The following KDM4B variants were observed in gnomAD, a reference collection of about 807,000 sequenced individuals.
KDM4B encodes lysine-specific demethylase 4B.
Under a neutral mutation model 125.2 loss-of-function variants are expected in KDM4B, and 32 were observed. That is an observed-to-expected ratio of 0.26 (90% confidence interval 0.19 to 0.34). The LOEUF (loss-of-function observed/expected upper bound fraction) is 0.34, where lower values mean the gene tolerates loss of function less well. Ranked by LOEUF, KDM4B falls within the 10% of genes least tolerant of loss-of-function variation. KDM4B has a pLI of 1.00. For missense variants in KDM4B, 1,190 were observed against 1,577.7 expected (o/e 0.75, Z 4.16); for synonymous variants, 721 against 677.9 (o/e 1.06, Z -0.99).
intron 2 of KDM4B, among the ~76,000 whole-genome samples, chr19:5,031,254 G>A (rs566262304): frequency 5.9e-5 from 9 of 152,338 alleles, no homozygotes; most frequent in African/African-American, 2.2e-4. Context: ...GGGCCCGCTG[G>A]GACAGTGTGG....
intron 9 of KDM4B, 126 bp from the exon 10 acceptor site, chr19:5,110,496 G>T: frequency 1.2e-6 from 1 of 839,932 alleles, no homozygotes; most frequent in South Asian, 1.5e-5. Context: ...TCTAGAAGCG[G>T]AATGCTCAGC....
At position 5,033,573 on chromosome 19, in the gene KDM4B, C is replaced by G. The variant is rs111802497; in HGVS notation, c.141+542C>G. On this transcript the variant is annotated intron_variant, in intron 3 of 22. Coordinates refer to ENST00000159111, the MANE Select transcript of KDM4B (RefSeq NM_015015.3). ...CCTGCCCCGGCAGCAGAGCAAGACCCTGTCTCAAAAACCAAGTCAGACCAC... is the reference window on the plus strand; with the variant it reads ...CCTGCCCCGGCAGCAGAGCAAGACCGTGTCTCAAAAACCAAGTCAGACCAC... Among the ~76,000 whole-genome samples the G allele has an allele frequency of 1.6e-3, 239 of 152,164 alleles. 2 individuals are homozygous for G. The highest frequency in any genetic ancestry group is 5.6e-3 in the African/African-American group (231 of 41,500).
rs959172128 is a variant in KDM4B, at chr19:5,142,510, C to A, written c.2551-1457C>A. Among the ~76,000 whole-genome samples the A allele has an allele frequency of 3.3e-5, 5 of 152,134 alleles. No homozygotes were observed. The highest frequency in any genetic ancestry group is 1.2e-4 in the African/African-American group (5 of 41,438). ...TCATGGGCTGCCTGCTACCACGAGG[C>A]GGAAGGGGATGGTGCTGGGCACCAG... On this transcript the variant is annotated intron_variant, in intron 18 of 22. Coordinates refer to ENST00000159111, the MANE Select transcript of KDM4B (RefSeq NM_015015.3). The surrounding 1 kb of genome is among the most constrained non-coding windows in gnomAD (Gnocchi z 5.4).
chr19:5,053,168 A>T (rs1406654849), intron 6 of KDM4B, among the ~76,000 whole-genome samples: 1 of 152,232 alleles, frequency 6.6e-6, no homozygotes, highest in Non-Finnish European at 1.5e-5. Context: ...CCAGAACAAG[A>T]TGCAGGAGCG....
intron 1 of KDM4B, among the ~76,000 whole-genome samples, chr19:5,012,216 A>G (rs2035751329): frequency 1.3e-5 from 2 of 151,836 alleles, no homozygotes; most frequent in Admixed American, 1.3e-4. Context: ...CCCTCCTGGC[A>G]GTTAATAGAA....
At chr19:5,072,373 C>G (rs2037976582) in intron 7 of KDM4B, among the ~76,000 whole-genome samples, 1 of 152,110 alleles carries the variant, frequency 6.6e-6, no homozygotes, top group Admixed American at 6.6e-5. Context: ...TGGGCCCTCT[C>G]CTGGCATGTG....
intron 1 of KDM4B, among the ~76,000 whole-genome samples, chr19:4,991,205 C>T (rs186246561): frequency 9.9e-4 from 151 of 152,174 alleles, no homozygotes; most frequent in Non-Finnish European, 1.4e-3. Context: ...GAATAACGAG[C>T]CCCCCAGGCC....
chr19:4,974,811 C>T (rs1316245729), intron 1 of KDM4B, among the ~76,000 whole-genome samples: 1 of 151,962 alleles, frequency 6.6e-6, no homozygotes, highest in Non-Finnish European at 1.5e-5. Context: ...TTTTCCCCTG[C>T]TCAGAACCTT....
In KDM4B at chr19:5,151,604, C is replaced by T. The variant is rs757699415; in HGVS notation, c.*93C>T. ...GCTGTGAATTCCTGTCCTCGTGTCC[C>T]CGACCCCCGAGAGGCCACCTCCAAG... On this transcript the variant is annotated 3_prime_UTR_variant, in exon 23 of 23. Coordinates refer to ENST00000159111, the MANE Select transcript of KDM4B (RefSeq NM_015015.3). The T allele has an allele frequency of 3.5e-6, 4 of 1,145,374 alleles. No individual in the cohort carries two copies. Among genetic ancestry groups the T allele is most frequent in the Non-Finnish European group, 3.3e-6 (3 of 902,572 alleles). 71.0% of individuals were successfully genotyped at this position (1,145,374 alleles called of 1,614,324 possible).
chr19:5,143,036 G>A (rs942728068), intron 18 of KDM4B, among the ~76,000 whole-genome samples: 6 of 152,106 alleles, frequency 3.9e-5, no homozygotes, highest in African/African-American at 7.2e-5. Context: ...ATTAAAAGCC[G>A]ATGTAAAGGA....
chr19:5,086,655 A>G (rs1039107854), intron 9 of KDM4B, among the ~76,000 whole-genome samples: 1 of 150,776 alleles, frequency 6.6e-6, no homozygotes, highest in Admixed American at 6.6e-5. Flanking sequence ...TCCCCCCCCC[A>G]GCCCCCAGGG....
At chr19:5,148,692 G>GCGGAGCCTCCAAAACC (rs2039894025) in intron 21 of KDM4B, among the ~76,000 whole-genome samples, 1 of 152,128 alleles carries the variant, frequency 6.6e-6, no homozygotes. Flanking sequence ...CCTTGGCAAA[G>GCGGAGCCTCCAAAACC]CGGAGCCTCC....
At chr19:5,018,814 G>A (rs140241034) in intron 2 of KDM4B, among the ~76,000 whole-genome samples, 3 of 152,232 alleles carry the variant, frequency 2.0e-5, no homozygotes, top group East Asian at 1.9e-4. Context: ...ATCGCGCACT[G>A]TGTGGCCTTT....
At chr19:5,139,211 G>A (rs1042005789) in intron 18 of KDM4B, among the ~76,000 whole-genome samples, 2 of 152,180 alleles carry the variant, frequency 1.3e-5, no homozygotes, top group African/African-American at 4.8e-5. Flanking sequence ...CGCGAGTGGT[G>A]TCTTTCATTT....
chr19:5,141,817 G>A lies in KDM4B; in HGVS notation c.2551-2150G>A, dbSNP rs976121691. 3.3e-5 allele frequency among the ~76,000 whole-genome samples: 5 copies of A among 152,186 alleles called. No individual in the cohort carries two copies. The highest frequency in any genetic ancestry group is 6.5e-5 in the Admixed American group (1 of 15,280). On this transcript the variant is annotated intron_variant, in intron 18 of 22. Coordinates refer to ENST00000159111, the MANE Select transcript of KDM4B (RefSeq NM_015015.3). This position sits in a 1 kb window ranked among gnomAD's most constrained non-coding sequence, Gnocchi z 6.4. Reference sequence around the variant, plus strand: ...GTTCCTGGCAGCAGGCAAAAGCACCGGGAGCTCCCTGGAGGATCTGGGAGG... The same window carrying A: ...GTTCCTGGCAGCAGGCAAAAGCACCAGGAGCTCCCTGGAGGATCTGGGAGG...
intron 1 of KDM4B, among the ~76,000 whole-genome samples, chr19:5,011,855 AG>A (rs2145491594): frequency 6.6e-6 from 1 of 152,268 alleles, no homozygotes; most frequent in East Asian, 1.9e-4. Context: ...TGTGGTCCTC[AG>A]GCCTCTGTGC....
chr19:5,142,077 G>A lies in KDM4B; in HGVS notation c.2551-1890G>A, dbSNP rs879934352. On this transcript the variant is annotated intron_variant, in intron 18 of 22. Transcript: ENST00000159111. This position sits in a 1 kb window ranked among gnomAD's most constrained non-coding sequence, Gnocchi z 5.4. ...CACAGCTTCATGGGTGGTACCTAGCGGTGACCACCTGCTTCCTCCAGGCCG... is the reference window on the plus strand; with the variant it reads ...CACAGCTTCATGGGTGGTACCTAGCAGTGACCACCTGCTTCCTCCAGGCCG... Among the ~76,000 whole-genome samples the A allele has an allele frequency of 8.5e-5, 13 of 152,170 alleles. No individual in the cohort carries two copies. Among genetic ancestry groups the A allele is most frequent in the Non-Finnish European group, 1.2e-4 (8 of 68,022 alleles).
intron 11 of KDM4B, among the ~76,000 whole-genome samples, chr19:5,128,862 G>T (rs1458087804): frequency 1.5e-5 from 1 of 65,278 alleles, no homozygotes; most frequent in African/African-American, 5.5e-5. Context: ...GCGGGGGGCG[G>T]GGGGGGGGGT....
intron 3 of KDM4B, among the ~76,000 whole-genome samples, chr19:5,033,419 A>C (rs2036521087): frequency 6.6e-6 from 1 of 151,478 alleles, no homozygotes; most frequent in Admixed American, 6.6e-5. Context: ...TCCTAGTAAA[A>C]CTTTTTTTTT....
Sources: gnomAD v4.1 joint callset for allele counts (sites outside exome capture counted in the v4.1 genomes callset) on GRCh38, gnomAD v4.1.1 for gene constraint, Gnocchi (gnomAD v3.1) non-coding constraint, MANE v1.5 for transcripts, NCBI Gene and HGNC (gene_info 2026-07-23, HGNC 2026-07-21) for gene names.